GAP43: variants seen among roughly 807,000 people sequenced by gnomAD.
GAP43 encodes the protein neuromodulin.
GAP43 carries 6 observed loss-of-function variants against 18.6 expected under a neutral mutation model. The observed-to-expected ratio is 0.32, with a 90% CI of 0.18 to 0.64. The LOEUF is 0.64. GAP43 is among the 30% of genes least tolerant of loss of function. The pLI is 0.78. For missense variants in GAP43, 292 were observed against 295.5 expected (o/e 0.99, Z 0.09); for synonymous variants, 115 against 111.4 (o/e 1.03, Z -0.20).
chr3:115,641,543 C>T lies in GAP43; in HGVS notation c.30+17824C>T, dbSNP rs1438360. Among the ~76,000 whole-genome samples, 155 of 150,346 alleles carry T rather than the reference C, an allele frequency of 1.0e-3. 1 individual carries two copies. Among genetic ancestry groups the T allele is most frequent in the Non-Finnish European group, 1.3e-3 (91 of 67,656 alleles). On this transcript the variant is annotated intron_variant, in intron 1 of 2. Coordinates refer to ENST00000305124, the MANE Select transcript of GAP43 (RefSeq NM_002045.4). ...ACACACACACACACACACACACACA[C>T]GGTGCTTTCCTGTTTCCCTAGAGAC...
At chr3:115,651,433 G>A (rs1458934953) in intron 1 of GAP43, among the ~76,000 whole-genome samples, 1 of 152,052 alleles carries the variant, frequency 6.6e-6, no homozygotes, top group Admixed American at 6.6e-5. Context: ...GTGTTCATTT[G>A]GCAAGATAAA....
chr3:115,686,290 A>G (rs1210353108), intron 2 of GAP43, among the ~76,000 whole-genome samples: 1 of 152,244 alleles, frequency 6.6e-6, no homozygotes, highest in Admixed American at 6.5e-5. Flanking sequence ...CATTTGTAAA[A>G]CCACATAGTT....
chr3:115,704,587 A>G (rs1709337871), intron 2 of GAP43, among the ~76,000 whole-genome samples: 1 of 152,102 alleles, frequency 6.6e-6, no homozygotes, highest in Non-Finnish European at 1.5e-5. Flanking sequence ...GTAGGCCTTA[A>G]AGCAAAATTA....
intron 2 of GAP43, among the ~76,000 whole-genome samples, chr3:115,700,455 T>G (rs1464737576): frequency 6.6e-6 from 1 of 152,084 alleles, no homozygotes; most frequent in East Asian, 1.9e-4. Context: ...CCTGCCCAAA[T>G]AAAGCCCTTT....
At chr3:115,634,663 T>C (rs533380703) in intron 1 of GAP43, among the ~76,000 whole-genome samples, 11 of 152,104 alleles carry the variant, frequency 7.2e-5, no homozygotes, top group Admixed American at 3.3e-4. Flanking sequence ...CCAACTACTC[T>C]GAAGGCTGAT....
chr3:115,720,095 T>C (rs1041790968), intron 2 of GAP43, among the ~76,000 whole-genome samples: 1 of 152,218 alleles, frequency 6.6e-6, no homozygotes, highest in Admixed American at 6.5e-5. Flanking sequence ...GACTTGTTTC[T>C]GAGGGAAAGA....
At chr3:115,655,974 C>T (rs1212320465) in intron 1 of GAP43, among the ~76,000 whole-genome samples, 2 of 152,196 alleles carry the variant, frequency 1.3e-5, no homozygotes, top group African/African-American at 2.4e-5. Context: ...TAGGCCAAAG[C>T]ATGCCTTTGA....
chr3:115,661,720 C>A (rs1708661573), intron 1 of GAP43, among the ~76,000 whole-genome samples: 1 of 151,938 alleles, frequency 6.6e-6, no homozygotes, highest in South Asian at 2.1e-4. Context: ...GATCTCCTGA[C>A]CTCGTGATCC....
chr3:115,696,121 C>T lies in GAP43; in HGVS notation c.628+19511C>T, dbSNP rs373745011. On this transcript the variant is annotated intron_variant, in intron 2 of 2. Transcript: ENST00000305124. ...GATCTCTCTGAGCTCATCTATAGCCCGGACCTCTCTCCCCACTCCAGACAA... is the reference window on the plus strand; with the variant it reads ...GATCTCTCTGAGCTCATCTATAGCCTGGACCTCTCTCCCCACTCCAGACAA... Among the ~76,000 whole-genome samples the T allele has an allele frequency of 4.6e-5, 7 of 151,980 alleles. No individual in the cohort carries two copies. The South Asian group carries it at 1.2e-3, about 27-fold the overall frequency.
chr3:115,662,182 A>C (rs1402294165), intron 1 of GAP43, among the ~76,000 whole-genome samples: 3 of 152,184 alleles, frequency 2.0e-5, no homozygotes, highest in Non-Finnish European at 4.4e-5. Flanking sequence ...ACTTCTAGGT[A>C]GAGTTTCTGA....
Position 115,676,512 on chromosome 3 carries a change from C to T in GAP43, c.530C>T (p.Ala177Val), listed in dbSNP as rs1708891102. 1 of 1,613,818 alleles carries T rather than the reference C, an allele frequency of 6.2e-7. No homozygotes were observed. Among genetic ancestry groups the T allele is most frequent in the East Asian group, 2.2e-5 (1 of 44,876 alleles). The change falls in exon 2 of 3, where the codon GCT becomes GTT. Residue 177 changes from alanine to valine, a missense_variant. Ala to Val is a moderately conservative substitution (Grantham distance 64). Transcript: ENST00000305124. ...QADVPAAVTA[A>V]AATTPAAEDA... ...GATGTGCCTGCTGCTGTCACTGCTG[C>T]TGCTGCCACCACCCCTGCCGCAGAG...
chr3:115,700,453 A>G (rs951831164), intron 2 of GAP43, among the ~76,000 whole-genome samples: 25 of 152,082 alleles, frequency 1.6e-4, no homozygotes, highest in African/African-American at 5.3e-4. Context: ...CACCTGCCCA[A>G]ATAAAGCCCT....
intron 1 of GAP43, among the ~76,000 whole-genome samples, chr3:115,668,289 A>T (rs930704348): frequency 2.0e-5 from 3 of 151,976 alleles, no homozygotes; most frequent in Non-Finnish European, 1.5e-5. Context: ...AGGGAAGGAG[A>T]CTTCCTTCCT....
chr3:115,669,839 A>C (rs1235226415), intron 1 of GAP43, among the ~76,000 whole-genome samples: 1 of 151,992 alleles, frequency 6.6e-6, no homozygotes, highest in African/African-American at 2.4e-5. Context: ...TTGTTTTCTT[A>C]TACAGTTTCA....
intron 1 of GAP43, among the ~76,000 whole-genome samples, chr3:115,627,274 C>T (rs770087478): frequency 6.6e-5 from 10 of 151,506 alleles, no homozygotes; most frequent in Non-Finnish European, 1.2e-4. Flanking sequence ...GAGCCCTGAT[C>T]TCTCCTGCTG....
At chr3:115,649,822 A>AAAGAAAG (rs1553720860) in intron 1 of GAP43, among the ~76,000 whole-genome samples, 1 of 137,264 alleles carries the variant, frequency 7.3e-6, no homozygotes, top group Non-Finnish European at 1.5e-5. Flanking sequence ...AAAAAAAAAA[A>AAAGAAAG]AAAGAAAGAA....
chr3:115,699,650 G>C (rs1047437553), intron 2 of GAP43, among the ~76,000 whole-genome samples: 2 of 152,208 alleles, frequency 1.3e-5, no homozygotes, highest in Admixed American at 6.5e-5. Context: ...GGATGAGAGA[G>C]GGTGAAAACC....
chr3:115,629,485 C>T (rs968965716), intron 1 of GAP43, among the ~76,000 whole-genome samples: 2 of 151,808 alleles, frequency 1.3e-5, no homozygotes, highest in Non-Finnish European at 2.9e-5. Context: ...CACTCTCTGC[C>T]CATGTTACCC....
intron 2 of GAP43, among the ~76,000 whole-genome samples, chr3:115,699,443 G>A (rs1422266679): frequency 6.6e-6 from 1 of 152,078 alleles, no homozygotes; most frequent in Non-Finnish European, 1.5e-5. Context: ...AAGTTAGTGG[G>A]TTTCCATGGT....
Sources: gnomAD v4.1 joint callset for allele counts (sites outside exome capture counted in the v4.1 genomes callset) on GRCh38, gnomAD v4.1.1 for gene constraint, MANE v1.5 for transcripts, NCBI Gene and HGNC (gene_info 2026-07-23, HGNC 2026-07-21) for gene names.